RAD1: variants seen among roughly 807,000 people sequenced by gnomAD.
The protein encoded by RAD1 is RAD1 checkpoint DNA exonuclease.
Under a neutral mutation model 30.0 loss-of-function variants are expected in RAD1, and 21 were observed. The ratio of observed to expected loss-of-function variants is 0.70; its 90% CI spans 0.50 to 1.01. The LOEUF (loss-of-function observed/expected upper bound fraction) is 1.01, where lower values mean the gene tolerates loss of function less well. Among genes scored for constraint, RAD1 ranks in the 50% least tolerant of loss-of-function variants. The pLI is 0.00. For missense variants in RAD1, 329 were observed against 329.0 expected (o/e 1.00, Z 0.00); for synonymous variants, 109 against 113.6 (o/e 0.96, Z 0.26).
In RAD1 at chr5:34,906,597, C is replaced by T. The variant is rs1007749502; in HGVS notation, c.*2168G>A. ...GAGGCTGGAGTGAACTGTAATCCTA[C>T]AACTGTACTCCAGCCTGGGCAACAG... On this transcript the variant is annotated 3_prime_UTR_variant, in exon 6 of 6. Coordinates refer to ENST00000382038, the MANE Select transcript of RAD1 (RefSeq NM_002853.4). The T allele has an allele frequency of 2.6e-5, 4 of 152,112 alleles. No individual in the cohort carries two copies. Among genetic ancestry groups the T allele is most frequent in the African/African-American group, 9.7e-5 (4 of 41,426 alleles). 9.4% of individuals were successfully genotyped at this position (152,112 alleles called of 1,614,324 possible).
chr5:34,915,256 C>T (rs1488880614), intron 1 of RAD1, 160 bp downstream of exon 1: 2 of 298,466 alleles, frequency 6.7e-6, no homozygotes, highest in South Asian at 4.9e-5. Context: ...TTTTGTGCAG[C>T]CCGCGCCACC....
At position 34,914,716 on chromosome 5, in the gene RAD1, C is replaced by T. The variant is rs1763983043; in HGVS notation, c.177G>A (p.Val59=). 3 of 1,614,110 alleles carry T rather than the reference C, an allele frequency of 1.9e-6. No homozygotes were observed. In the African/African-American group the frequency reaches 4.0e-5, roughly 22 times the overall value. Residue 59 remains valine, a synonymous_variant, in exon 2 of 6, where the codon GTG becomes GTA. Coordinates refer to ENST00000382038, the MANE Select transcript of RAD1 (RefSeq NM_002853.4). ...IKVTVENAKC[V]QANAFIQAGI... is the part of the protein sequence containing the mutation. ...ATACCTGAATAAAAGCATTTGCTTGCACACACTTTGCATTTTCCACTGTTA... is the reference window on the plus strand; with the variant it reads ...ATACCTGAATAAAAGCATTTGCTTGTACACACTTTGCATTTTCCACTGTTA...
At chr5:34,913,659 G>C (rs371819009) in intron 2 of RAD1, 81 bp from the exon 3 acceptor site, 1 of 815,332 alleles carries the variant, frequency 1.2e-6, no homozygotes, top group Non-Finnish European at 1.9e-6. Context: ...CACTTTATAC[G>C]TTTAAAAAAT....
chr5:34,915,125 A>G (rs913896025), intron 1 of RAD1, among the ~76,000 whole-genome samples, 164 bp from the exon 2 acceptor site: 10 of 152,314 alleles, frequency 6.6e-5, no homozygotes, highest in Middle Eastern at 3.4e-3. Flanking sequence ...AAAATTATCT[A>G]AGCTACGGTT....
At chr5:34,913,626 T>C (rs1477487103) in intron 2 of RAD1, 48 bp from the exon 3 acceptor site, 1 of 1,137,070 alleles carries the variant, frequency 8.8e-7, no homozygotes. Flanking sequence ...GAATAAAAAC[T>C]AATAATATAA....
chr5:34,910,146 A>C (rs561948176), intron 4 of RAD1, among the ~76,000 whole-genome samples: 2 of 152,132 alleles, frequency 1.3e-5, no homozygotes, highest in African/African-American at 4.8e-5. Context: ...TGTCGCAGGT[A>C]CTTAAAATTT....
chr5:34,912,032 T>C (rs543307174), intron 3 of RAD1, among the ~76,000 whole-genome samples: 2 of 152,328 alleles, frequency 1.3e-5, no homozygotes, highest in East Asian at 1.9e-4. Context: ...AAATGTAACA[T>C]AATTCTTTGG....
At chr5:34,914,166 C>G (rs1463182717) in intron 2 of RAD1, 1 of 314,784 alleles carries the variant, frequency 3.2e-6, no homozygotes, top group African/African-American at 2.2e-5. Flanking sequence ...AACAAAAATT[C>G]TATTACAACC....
chr5:34,914,713 T>C lies in RAD1; in HGVS notation c.180A>G (p.Gln60=), dbSNP rs751223724. The change falls in exon 2 of 6, where the codon CAA becomes CAG. Residue 60 remains glutamine, a synonymous_variant. Transcript: ENST00000382038. ...KVTVENAKCV[Q]ANAFIQAGIF... ...TCCATACCTGAATAAAAGCATTTGCTTGCACACACTTTGCATTTTCCACTG... is the reference window on the plus strand; with the variant it reads ...TCCATACCTGAATAAAAGCATTTGCCTGCACACACTTTGCATTTTCCACTG... 6.2e-7 allele frequency: 1 copy of C among 1,614,258 alleles called. No individual in the cohort carries two copies. Among genetic ancestry groups the C allele is most frequent in the South Asian group, 1.1e-5 (1 of 91,086 alleles).
rs1763665811 is a variant in RAD1 at position 34,906,731 on chromosome 5, T to A, written c.*2034A>T. The A allele has an allele frequency of 6.6e-6, 1 of 152,216 alleles. No individual in the cohort carries two copies. Among genetic ancestry groups the A allele is most frequent in the Admixed American group, 6.5e-5 (1 of 15,288 alleles). The allele number at this position is 152,216 out of a possible 1,614,324, so 9.4% of individuals were successfully genotyped here. A position where few individuals can be genotyped will look rare whatever the true frequency, so the allele number is the denominator to read the frequency against. On this transcript the variant is annotated 3_prime_UTR_variant, in exon 6 of 6. Coordinates refer to ENST00000382038, the MANE Select transcript of RAD1 (RefSeq NM_002853.4). ...ACTAATAAGATGCTAAAAGAAAATC[T>A]GAAATTGGAGAGTCTTTCATCTAAC...
chr5:34,915,177 A>G (rs1764013322), intron 1 of RAD1, among the ~76,000 whole-genome samples: 1 of 152,214 alleles, frequency 6.6e-6, no homozygotes, highest in Non-Finnish European at 1.5e-5. Flanking sequence ...AAAGTTGTGA[A>G]GAATGAAGAC....
rs1431542257 is a variant in RAD1, at chr5:34,907,524, T to G, written c.*1241A>C. 6.6e-6 allele frequency: 1 copy of G among 152,236 alleles called. No homozygotes were observed. Among genetic ancestry groups the G allele is most frequent in the Non-Finnish European group, 1.5e-5 (1 of 68,042 alleles). The allele number at this position is 152,236 out of a possible 1,614,324, so 9.4% of individuals were successfully genotyped here. A position where few individuals can be genotyped will look rare whatever the true frequency, so the allele number is the denominator to read the frequency against. On this transcript the variant is annotated 3_prime_UTR_variant, in exon 6 of 6. Coordinates refer to ENST00000382038, the MANE Select transcript of RAD1 (RefSeq NM_002853.4). ...ACTAGACAGGAAGATAATTTTTGCA[T>G]TTTATTAAATATATTTATATGCCAC...
At position 34,914,798 on chromosome 5, in the gene RAD1, T is replaced by A; in HGVS notation, c.95A>T (p.Lys32Ile). ...DNVRNLSTILKAIHFREHATC... is the reference protein window; with the variant it reads ...DNVRNLSTILIAIHFREHATC... ...GGCATGTTCTCGGAAATGAATAGCT[T>A]TCAAGATAGTGGAGAGATTCCTAAC... Residue 32 changes from lysine (K) to isoleucine (I), a missense_variant, in exon 2 of 6, where the codon AAA becomes ATA. Transcript: ENST00000382038. The A allele has an allele frequency of 1.2e-6, 2 of 1,614,240 alleles. No homozygotes were observed. Among genetic ancestry groups the A allele is most frequent in the Non-Finnish European group, 1.7e-6 (2 of 1,180,038 alleles).
rs1763725774 is a variant in RAD1 at position 34,908,584 on chromosome 5, C to A, written c.*181G>T. ...CTACAGGAAAACATTTATTTACATG[C>A]CCTCTACAAAATGGATTTACAAAAC... is the stretch of plus-strand genomic sequence containing the variant. On this transcript the variant is annotated 3_prime_UTR_variant, in exon 6 of 6. Coordinates refer to ENST00000382038, the MANE Select transcript of RAD1 (RefSeq NM_002853.4). The A allele has an allele frequency of 3.8e-6, 2 of 528,246 alleles. No individual in the cohort carries two copies. Among genetic ancestry groups the A allele is most frequent in the Non-Finnish European group, 6.7e-6 (2 of 297,320 alleles). The allele number at this position is 528,246 out of a possible 1,614,324, so 32.7% of individuals were successfully genotyped here.
chr5:34,914,188 A>C (rs1327729148), intron 2 of RAD1, among the ~76,000 whole-genome samples: 1 of 152,242 alleles, frequency 6.6e-6, no homozygotes, highest in East Asian at 1.9e-4. Context: ...GTAAAGGAAA[A>C]AAATACTCTT....
rs1442031781 is a variant in RAD1, at chr5:34,911,818, A to G, written c.308-6T>C. On this transcript the variant is annotated splice_polypyrimidine_tract_variant and splice_region_variant and intron_variant, in intron 3 of 5. Coordinates refer to ENST00000382038, the MANE Select transcript of RAD1 (RefSeq NM_002853.4). The stretch of plus-strand genomic sequence containing the variant: ...TCGAAGTGCAGTTAAAGTCCCTGCA[A>G]TGGAAAGAAGTCATACTTGGCCTTA... 1 of 1,613,782 alleles carries G rather than the reference A, an allele frequency of 6.2e-7. No individual in the cohort carries two copies.
Position 34,914,579 on chromosome 5 carries a change from G to A in RAD1, c.198+116C>T, listed in dbSNP as rs1159175072. 8.0e-6 allele frequency: 7 copies of A among 878,676 alleles called. No homozygotes were observed. In the East Asian group the frequency reaches 1.8e-4, roughly 23 times the overall value. 54.4% of individuals were successfully genotyped at this position (878,676 alleles called of 1,614,324 possible). ...ATTTATTTATTAAGTTATTTATTAT[G>A]ACTATTGACAAGTTATTATGACTAT... is the stretch of plus-strand genomic sequence containing the variant. On this transcript the variant is annotated intron_variant, in intron 2 of 5. Coordinates refer to ENST00000382038, the MANE Select transcript of RAD1 (RefSeq NM_002853.4).
chr5:34,907,009 G>A lies in RAD1; in HGVS notation c.*1756C>T, dbSNP rs1054924161. The A allele has an allele frequency of 2.0e-5, 3 of 151,892 alleles. No homozygotes were observed. Among genetic ancestry groups the A allele is most frequent in the African/African-American group, 7.3e-5 (3 of 41,346 alleles). The allele number at this position is 151,892 out of a possible 1,614,324, so 9.4% of individuals were successfully genotyped here. A position where few individuals can be genotyped will look rare whatever the true frequency, so the allele number is the denominator to read the frequency against. ...ATTTTAGAAAATTCCAACTTCTTTT[G>A]TAGTCACTGCTAAATTTTGTATGCT... On this transcript the variant is annotated 3_prime_UTR_variant, in exon 6 of 6. Transcript: ENST00000382038.
chr5:34,909,118 G>A, intron 5 of RAD1, 140 bp downstream of exon 5: 1 of 870,652 alleles, frequency 1.1e-6, no homozygotes, highest in Non-Finnish European at 1.8e-6. Flanking sequence ...ACATCCCCTA[G>A]TAAGTCCAGC....
Sources: gnomAD v4.1 joint callset for allele counts (sites outside exome capture counted in the v4.1 genomes callset) on GRCh38, gnomAD v4.1.1 for gene constraint, MANE v1.5 for transcripts, NCBI Gene and HGNC (gene_info 2026-07-23, HGNC 2026-07-21) for gene names.